ATP11A: variants seen among roughly 807,000 people sequenced by gnomAD.
The protein encoded by ATP11A is phospholipid-transporting ATPase IH.
In ATP11A, 81 loss-of-function variants were observed where a neutral mutation model predicts 154.4. That is an observed-to-expected ratio of 0.52 (90% CI 0.44 to 0.63). The LOEUF (loss-of-function observed/expected upper bound fraction) is 0.63. Ranked by LOEUF, ATP11A falls within the 30% of genes least tolerant of loss-of-function variation. The pLI is 0.00. For synonymous variants in ATP11A, 623 were observed against 585.9 expected, an observed-to-expected ratio of 1.06 and a Z score of -0.91; for missense variants, 1,316 against 1,474.3, an observed-to-expected ratio of 0.89 and a Z score of 1.76.
chr13:112,734,307 G>T (rs1464180855), intron 1 of ATP11A, among the ~76,000 whole-genome samples: 1 of 152,140 alleles, frequency 6.6e-6, no homozygotes, highest in Non-Finnish European at 1.5e-5. Context: ...AAAGAACCTT[G>T]AAATACTTGA....
At position 112,805,055 on chromosome 13, in the gene ATP11A, G is replaced by T. The variant is rs368681049; in HGVS notation, c.252+9G>T. Reference sequence around the variant, plus strand: ...TCATATTTCTGGTGCAGGTAAGGCCGGTCATTGTTTTCCATCTCATCACAT... The same window carrying T: ...TCATATTTCTGGTGCAGGTAAGGCCTGTCATTGTTTTCCATCTCATCACAT... On this transcript the variant is annotated intron_variant, in intron 3 of 29. Transcript: ENST00000375645. 2 of 1,585,406 alleles carry T rather than the reference G, an allele frequency of 1.3e-6. No homozygotes were observed. The highest frequency in any genetic ancestry group is 3.6e-5 in the Admixed American group (2 of 56,282).
At chr13:112,849,598 A>G (rs909752189) in intron 17 of ATP11A, among the ~76,000 whole-genome samples, 3 of 152,284 alleles carry the variant, frequency 2.0e-5, no homozygotes, top group Admixed American at 6.5e-5. Flanking sequence ...AGGAAAAGTC[A>G]GAGAATTCAT....
intron 1 of ATP11A, among the ~76,000 whole-genome samples, chr13:112,731,265 G>A (rs970073658): frequency 2.0e-5 from 3 of 152,132 alleles, no homozygotes; most frequent in Admixed American, 1.3e-4. Context: ...TACTGTGTCC[G>A]GCCTCCTATA....
At chr13:112,818,130 C>T (rs114725822) in intron 6 of ATP11A, among the ~76,000 whole-genome samples, 1,906 of 149,342 alleles carry the variant, frequency 0.013, 50 homozygotes, top group African/African-American at 0.043. Context: ...ACCGTTTGTG[C>T]GCTTGGTGAC....
intron 16 of ATP11A, among the ~76,000 whole-genome samples, chr13:112,840,594 C>A (rs978199091): frequency 1.3e-5 from 2 of 151,336 alleles, no homozygotes; most frequent in African/African-American, 4.9e-5. Context: ...TGCCCTCCAG[C>A]CTTTGCTCGG....
chr13:112,791,953 GT>G (rs1479807893), intron 2 of ATP11A, among the ~76,000 whole-genome samples: 1 of 152,184 alleles, frequency 6.6e-6, no homozygotes, highest in Non-Finnish European at 1.5e-5. Context: ...CAGGAGCGCC[GT>G]CTGCGTGCAG....
At chr13:112,878,117 C>T in intron 28 of ATP11A, 100 bp from the exon 29 acceptor site, 2 of 1,124,612 alleles carry the variant, frequency 1.8e-6, no homozygotes, top group Non-Finnish European at 2.7e-6. Flanking sequence ...TCTTGTTTCT[C>T]TTTCCTTCCC....
Position 112,862,437 on chromosome 13 carries a change from C to T in ATP11A, c.2856-3C>T. 1 of 1,613,528 alleles carries T rather than the reference C, an allele frequency of 6.2e-7. No individual in the cohort carries two copies. Among genetic ancestry groups the T allele is most frequent in the South Asian group, 1.1e-5 (1 of 91,026 alleles). On this transcript the variant is annotated splice_polypyrimidine_tract_variant and splice_region_variant and intron_variant, in intron 24 of 29. Transcript: ENST00000375645. ...ACACGCTGTGCACCTTTCTCCTCAC[C>T]AGGGACGTCGCCAAGAATGCCCTGC...
intron 2 of ATP11A, among the ~76,000 whole-genome samples, chr13:112,789,892 C>T (rs897544652): frequency 6.6e-6 from 1 of 151,794 alleles, no homozygotes; most frequent in African/African-American, 2.4e-5. Context: ...GTGTAGACCC[C>T]TGTGGAGACC....
chr13:112,710,335 C>T (rs1202946215), intron 1 of ATP11A, among the ~76,000 whole-genome samples: 1 of 152,240 alleles, frequency 6.6e-6, no homozygotes, highest in African/African-American at 2.4e-5. Flanking sequence ...CACCCCTAAG[C>T]AAGTGGCCCA....
At chr13:112,853,827 T>C (rs559177039) in intron 18 of ATP11A, among the ~76,000 whole-genome samples, 1 of 152,008 alleles carries the variant, frequency 6.6e-6, no homozygotes, top group South Asian at 2.1e-4. Context: ...CCAAGTGGGT[T>C]CTAAGTGACA....
At chr13:112,870,809 G>T (rs1337448334) in intron 25 of ATP11A, among the ~76,000 whole-genome samples, 1 of 152,282 alleles carries the variant, frequency 6.6e-6, no homozygotes, top group Non-Finnish European at 1.5e-5. Context: ...CAAGTTTCCA[G>T]TCGGGGGTTT....
chr13:112,809,699 C>G (rs1470575770), intron 4 of ATP11A, among the ~76,000 whole-genome samples: 1 of 152,226 alleles, frequency 6.6e-6, no homozygotes, highest in African/African-American at 2.4e-5. Flanking sequence ...TGTGCAGTCT[C>G]TCACATGCTG....
In ATP11A at chr13:112,878,514, C is replaced by T. The variant is rs2080796570; in HGVS notation, c.*9+211C>T. On this transcript the variant is annotated intron_variant, in intron 29 of 29. Coordinates refer to ENST00000375645, the MANE Select transcript of ATP11A (RefSeq NM_015205.3). ...GTGCTTTCCATCAGTCACAGTTAAC[C>T]AGGGTTTCTCCCTCAGCGTCCGTGC... 4.9e-6 allele frequency: 3 copies of T among 606,396 alleles called. No individual in the cohort carries two copies. In the East Asian group the frequency reaches 8.3e-5, roughly 17 times the overall value. 37.6% of individuals were successfully genotyped at this position (606,396 alleles called of 1,614,324 possible).
At chr13:112,770,754 G>A (rs921475380) in intron 1 of ATP11A, among the ~76,000 whole-genome samples, 1 of 152,232 alleles carries the variant, frequency 6.6e-6, no homozygotes, top group African/African-American at 2.4e-5. Context: ...CAGGCTCCAC[G>A]CGCCGCTTCC....
chr13:112,690,426 A>C lies in ATP11A; in HGVS notation c.10A>C (p.Ser4Arg). The C allele has an allele frequency of 7.4e-7, 1 of 1,342,954 alleles. No homozygotes were observed. The highest frequency in any genetic ancestry group is 9.6e-7 in the Non-Finnish European group (1 of 1,045,072). The allele number at this position is 1,342,954 out of a possible 1,614,324, so 83.2% of individuals were successfully genotyped here. Residue 4 changes from serine to arginine, a missense_variant, in exon 1 of 30, where the codon AGC (serine) becomes CGC (arginine). Physicochemically the swap from Ser to Arg is moderately radical, Grantham distance 110. Around this residue, in one of 5 missense-constraint regions of ATP11A, gnomAD observed 123 missense variants for 113.7 expected, o/e 1.08. Coordinates refer to ENST00000375645, the MANE Select transcript of ATP11A (RefSeq NM_015205.3). This position sits in a 1 kb window ranked among gnomAD's most constrained non-coding sequence, Gnocchi z 5.6. The part of the protein sequence containing the change: MDC[S>R]LVRTLVHRYC... ...AGCGGCCGGAGGAGCCATGGACTGC[A>C]GCCTCGTGCGGACGCTCGTGCACAG...
At chr13:112,878,148 C>T (rs540285695) in intron 28 of ATP11A, 69 bp from the exon 29 acceptor site, 35 of 1,423,042 alleles carry the variant, frequency 2.5e-5, no homozygotes, top group South Asian at 9.2e-5. Context: ...GTCTTCCGAC[C>T]GCTTTGCCTA....
At chr13:112,737,542 G>T (rs1891121164) in intron 1 of ATP11A, among the ~76,000 whole-genome samples, 1 of 152,202 alleles carries the variant, frequency 6.6e-6, no homozygotes, top group Non-Finnish European at 1.5e-5. Context: ...GAGGGAAGGG[G>T]CTGGGCTGAG....
chr13:112,770,782 G>A (rs1422004506), intron 1 of ATP11A, among the ~76,000 whole-genome samples: 2 of 152,218 alleles, frequency 1.3e-5, no homozygotes, highest in South Asian at 2.1e-4. Context: ...GCTAGGAGGC[G>A]GCGATGGCGA....
Sources: allele counts gnomAD v4.1 joint callset (sites outside exome capture counted in the v4.1 genomes callset), GRCh38; gene constraint gnomAD v4.1.1; regional missense constraint gnomAD v4.1.1; non-coding constraint Gnocchi (gnomAD v3.1); transcripts MANE v1.5; gene names NCBI Gene and HGNC (gene_info 2026-07-23, HGNC 2026-07-21).